CD8B2: variants seen among roughly 807,000 people sequenced by gnomAD.
The protein encoded by CD8B2 is T-cell surface glycoprotein CD8 beta-2 chain.
CD8B2 carries 11 observed loss-of-function variants against 23.7 expected under a neutral mutation model. The ratio of observed to expected loss-of-function variants is 0.46; its 90% CI spans 0.29 to 0.77. CD8B2 has a LOEUF of 0.77. Among genes scored for constraint, CD8B2 ranks in the 30% least tolerant of loss-of-function variants. The pLI is 0.09. For synonymous variants in CD8B2, 90 were observed against 109.3 expected (o/e 0.82, Z 1.10); for missense variants, 197 against 270.5 (o/e 0.73, Z 1.91).
chr2:106,487,662 C>G (rs1254278768), intron 1 of CD8B2, among the ~76,000 whole-genome samples, 193 bp downstream of exon 1: 1 of 152,106 alleles, frequency 6.6e-6, no homozygotes, highest in Admixed American at 6.5e-5. Flanking sequence ...CGCATTACCC[C>G]GGGGGACCGG....
chr2:106,515,878 A>G (rs1679721879), downstream of CD8B2, among the ~76,000 whole-genome samples: 1 of 151,752 alleles, frequency 6.6e-6, no homozygotes, highest in South Asian at 2.1e-4. Context: ...GCTGGAGTGC[A>G]ATGGCGTGAT....
At chr2:106,497,118 T>C (rs1399986214) in intron 3 of CD8B2, among the ~76,000 whole-genome samples, 2 of 151,950 alleles carry the variant, frequency 1.3e-5, no homozygotes, top group African/African-American at 4.8e-5. Context: ...TCTACAAAAA[T>C]GTAAAAAAAT....
At chr2:106,516,375 A>G in intron 5 of CD8B2, among the ~76,000 whole-genome samples, 1 of 152,174 alleles carries the variant, frequency 6.6e-6, no homozygotes, top group South Asian at 2.1e-4. Context: ...AGGACATGAC[A>G]TACCCAGGCC....
At chr2:106,542,122 AAG>A (rs1680183765) in intron 5 of CD8B2, among the ~76,000 whole-genome samples, 1 of 152,232 alleles carries the variant, frequency 6.6e-6, no homozygotes, top group Admixed American at 6.5e-5. Flanking sequence ...TTAACCTTTG[AAG>A]ACAAACCTTC....
At chr2:106,525,511 A>T (rs1269585193) in intron 5 of CD8B2, among the ~76,000 whole-genome samples, 2 of 152,232 alleles carry the variant, frequency 1.3e-5, no homozygotes, top group Non-Finnish European at 2.9e-5. Context: ...TAAAGTGAAC[A>T]GTTCATGGCA....
chr2:106,496,408 CT>C (rs1679300509), intron 3 of CD8B2, 146 bp downstream of exon 3: 1 of 1,295,788 alleles, frequency 7.7e-7, no homozygotes, highest in Non-Finnish European at 1.1e-6. Flanking sequence ...AGAAAGGATG[CT>C]GAGTGTGATA....
intron 5 of CD8B2, among the ~76,000 whole-genome samples, chr2:106,526,744 G>T (rs903139897): frequency 6.6e-6 from 1 of 151,964 alleles, no homozygotes; most frequent in African/African-American, 2.4e-5. Flanking sequence ...TCTGCCTCCT[G>T]GTTCAAGCGA....
chr2:106,524,094 G>A (rs1679872110), intron 5 of CD8B2, among the ~76,000 whole-genome samples: 1 of 152,176 alleles, frequency 6.6e-6, no homozygotes, highest in Non-Finnish European at 1.5e-5. Context: ...GCCATGTGGG[G>A]CTGATTGTTA....
At chr2:106,504,784 C>T (rs764437859) in intron 5 of CD8B2, among the ~76,000 whole-genome samples, 1 of 152,140 alleles carries the variant, frequency 6.6e-6, no homozygotes, top group East Asian at 1.9e-4. Context: ...GTTATTTCAT[C>T]CCACCTATTA....
At chr2:106,531,506 C>T (rs1679989305) in intron 5 of CD8B2, among the ~76,000 whole-genome samples, 1 of 152,162 alleles carries the variant, frequency 6.6e-6, no homozygotes, top group African/African-American at 2.4e-5. Flanking sequence ...CTATTTCTTG[C>T]TCTAAGGGTC....
At position 106,507,486 on chromosome 2, in the gene CD8B2, G is replaced by C. The variant is rs1256787549; in HGVS notation, c.*546G>C. 1.0e-6 allele frequency: 1 copy of C among 985,532 alleles called. No individual in the cohort carries two copies. The highest frequency in any genetic ancestry group is 1.2e-6 in the Non-Finnish European group (1 of 829,970). The allele number at this position is 985,532 out of a possible 1,614,324, so 61.0% of individuals were successfully genotyped here. On this transcript the variant is annotated 3_prime_UTR_variant, in exon 6 of 6. Coordinates refer to ENST00000643224, the MANE Select transcript of CD8B2 (RefSeq NM_001349727.2). ...TCAGTCTCTGAGGGCTTCCTTTGGGGCCGGGAACTTGCGGGTTTGAGGATA... is the reference window on the plus strand; with the variant it reads ...TCAGTCTCTGAGGGCTTCCTTTGGGCCCGGGAACTTGCGGGTTTGAGGATA...
At chr2:106,512,831 C>T (rs892268755), downstream of CD8B2, among the ~76,000 whole-genome samples, 4 of 152,086 alleles carry the variant, frequency 2.6e-5, no homozygotes, top group South Asian at 2.1e-4. Flanking sequence ...ACTAGGGGTG[C>T]GGCATGGCCA....
intron 3 of CD8B2, among the ~76,000 whole-genome samples, chr2:106,498,507 G>C (rs1347984103): frequency 6.6e-6 from 1 of 152,196 alleles, no homozygotes; most frequent in Non-Finnish European, 1.5e-5. Flanking sequence ...GCAAACCAAA[G>C]ATTAATAGGT....
chr2:106,540,598 T>G (rs1680157398), intron 5 of CD8B2, among the ~76,000 whole-genome samples: 1 of 151,890 alleles, frequency 6.6e-6, no homozygotes, highest in Non-Finnish European at 1.5e-5. Flanking sequence ...GGAGTCTTGT[T>G]CTGTCACCCA....
intron 5 of CD8B2, among the ~76,000 whole-genome samples, chr2:106,519,693 A>G (rs1679792524): frequency 6.6e-6 from 1 of 152,250 alleles, no homozygotes; most frequent in Non-Finnish European, 1.5e-5. Context: ...AGGGGTGTCC[A>G]ATCTTTTGGC....
chr2:106,532,076 C>A (rs1679995788), intron 5 of CD8B2, among the ~76,000 whole-genome samples: 1 of 152,248 alleles, frequency 6.6e-6, no homozygotes, highest in South Asian at 2.1e-4. Context: ...AGCACAGATT[C>A]AGCTCAGTCT....
At chr2:106,544,250 T>C (rs977120138) in exon 6 of CD8B2, 2 of 393,810 alleles carry the variant, frequency 5.1e-6, no homozygotes, top group Admixed American at 8.8e-5. Context: ...TTTGAATAGA[T>C]TTGGAATGTG....
chr2:106,513,116 C>T (rs1252585899), downstream of CD8B2, among the ~76,000 whole-genome samples: 6 of 151,930 alleles, frequency 3.9e-5, no homozygotes, highest in East Asian at 5.9e-4. Context: ...GGCTCCCCCA[C>T]CCATCCGCCC....
intron 5 of CD8B2, among the ~76,000 whole-genome samples, chr2:106,528,777 A>T (rs1036868910): frequency 6.6e-6 from 1 of 152,212 alleles, no homozygotes; most frequent in Admixed American, 6.5e-5. Context: ...GATGTTCAGC[A>T]TCTTGGAAGG....
Sources: allele counts gnomAD v4.1 joint callset (sites outside exome capture counted in the v4.1 genomes callset), GRCh38; gene constraint gnomAD v4.1.1; transcripts MANE v1.5; gene names NCBI Gene and HGNC (gene_info 2026-07-23, HGNC 2026-07-21).